REDIC1: variants seen among roughly 807,000 people sequenced by gnomAD.
The protein encoded by REDIC1 is HEI10 Interacting Protein 1.
the REDIC1 span, among the ~76,000 whole-genome samples, chr12:39,826,666 A>G: frequency 6.6e-6 from 1 of 151,390 alleles, no homozygotes; most frequent in Non-Finnish European, 1.5e-5. Context: ...AAAAGTTCTC[A>G]TACCACATCC....
chr12:39,646,185 ATTTAT>A, the REDIC1 span: 2 of 289,708 alleles, frequency 6.9e-6, no homozygotes, highest in Admixed American at 5.1e-5. Context: ...TATTGTAATG[ATTTAT>A]TTTAGCACTG....
chr12:39,721,331 A>T, the REDIC1 span: 1 of 1,187,756 alleles, frequency 8.4e-7, no homozygotes, highest in Non-Finnish European at 1.2e-6. Flanking sequence ...TTTCATTAAC[A>T]TGATAAGAAA....
chr12:39,738,864 T>G, the REDIC1 span, among the ~76,000 whole-genome samples: 1 of 152,092 alleles, frequency 6.6e-6, no homozygotes, highest in Admixed American at 6.5e-5. Context: ...ACATAAAATA[T>G]TTCAGTGTAT....
At chr12:39,714,073 G>GTATATATATGTACA in the REDIC1 span, among the ~76,000 whole-genome samples, 5 of 147,818 alleles carry the variant, frequency 3.4e-5, no homozygotes, top group African/African-American at 1.2e-4. Flanking sequence ...GTGTATATAC[G>GTATATATATGTACA]TGTATATACA....
the REDIC1 span, among the ~76,000 whole-genome samples, chr12:39,664,919 G>A: frequency 5.9e-5 from 9 of 151,906 alleles, no homozygotes; most frequent in South Asian, 4.2e-4. Flanking sequence ...TTTTTGATGC[G>A]GTTGTTTTTT....
At chr12:39,827,078 C>T in the REDIC1 span, among the ~76,000 whole-genome samples, 1 of 151,386 alleles carries the variant, frequency 6.6e-6, no homozygotes. Context: ...CTGTATTTAC[C>T]AACAGTTGCT....
chr12:39,703,276 C>A, the REDIC1 span, among the ~76,000 whole-genome samples: 1 of 150,578 alleles, frequency 6.6e-6, no homozygotes, highest in African/African-American at 2.4e-5. Context: ...CACAAGCATT[C>A]TTATACACCA....
At chr12:39,654,539 G>T in the REDIC1 span, among the ~76,000 whole-genome samples, 1 of 151,628 alleles carries the variant, frequency 6.6e-6, no homozygotes. Context: ...AGTGAGCCGA[G>T]ATCGTGCCAG....
the REDIC1 span, among the ~76,000 whole-genome samples, chr12:39,862,303 T>C: frequency 1.3e-5 from 2 of 152,246 alleles, no homozygotes; most frequent in Admixed American, 6.5e-5. Flanking sequence ...CCAATATTTA[T>C]TGAATTAAAA....
At chr12:39,739,652 T>C in the REDIC1 span, among the ~76,000 whole-genome samples, 1 of 152,206 alleles carries the variant, frequency 6.6e-6, no homozygotes, top group Non-Finnish European at 1.5e-5. Context: ...GCTCAGAGGC[T>C]TCATTTTTGA....
chr12:39,652,988 T>C, the REDIC1 span, among the ~76,000 whole-genome samples: 8 of 152,000 alleles, frequency 5.3e-5, no homozygotes, highest in African/African-American at 1.9e-4. Context: ...TTTTCAAAAG[T>C]GTTTTGGCTC....
chr12:39,715,197 T>A, the REDIC1 span, among the ~76,000 whole-genome samples: 2 of 152,032 alleles, frequency 1.3e-5, no homozygotes, highest in African/African-American at 2.4e-5. Flanking sequence ...TAATTTCAAG[T>A]CTTAGGTTTA....
At chr12:39,851,147 G>T in the REDIC1 span, among the ~76,000 whole-genome samples, 1 of 152,080 alleles carries the variant, frequency 6.6e-6, no homozygotes, top group East Asian at 1.9e-4. Flanking sequence ...TGATCCACCT[G>T]CCTTGGCCTC....
chr12:39,692,037 G>A, the REDIC1 span: 1 of 1,560,416 alleles, frequency 6.4e-7, no homozygotes, highest in Admixed American at 1.9e-5. Context: ...TAACATTTTG[G>A]TTTTCTCCTA....
chr12:39,771,565 T>C, the REDIC1 span, among the ~76,000 whole-genome samples: 1 of 152,130 alleles, frequency 6.6e-6, no homozygotes, highest in East Asian at 1.9e-4. Flanking sequence ...CTCCAGTCTG[T>C]GCATTGATTG....
At chr12:39,858,895 C>T in the REDIC1 span, among the ~76,000 whole-genome samples, 9 of 152,138 alleles carry the variant, frequency 5.9e-5, no homozygotes, top group African/African-American at 1.9e-4. Flanking sequence ...TGTGACGCAC[C>T]GTGCCCGACC....
the REDIC1 span, among the ~76,000 whole-genome samples, chr12:39,837,648 AAAAC>A: frequency 4.0e-5 from 6 of 151,030 alleles, no homozygotes; most frequent in South Asian, 8.4e-4. Context: ...TTACAAGAAA[AAAAC>A]AAACAACCCC....
the REDIC1 span, among the ~76,000 whole-genome samples, chr12:39,807,657 A>C: frequency 6.6e-6 from 1 of 152,158 alleles, no homozygotes; most frequent in African/African-American, 2.4e-5. Flanking sequence ...TGGATACATG[A>C]TTTAGTTTTT....
chr12:39,817,243 C>A, the REDIC1 span, among the ~76,000 whole-genome samples: 2 of 152,198 alleles, frequency 1.3e-5, no homozygotes, highest in African/African-American at 4.8e-5. Context: ...CAAAGTAGCT[C>A]ATAACCAATT....
Sources: allele counts gnomAD v4.1 joint callset (sites outside exome capture counted in the v4.1 genomes callset), GRCh38; gene constraint gnomAD v4.1.1; transcripts MANE v1.5; gene names NCBI Gene and HGNC (gene_info 2026-07-23, HGNC 2026-07-21).